Variants in RBFOX1 observed in about 807,000 individuals in gnomAD.
RBFOX1 encodes the protein RNA binding fox-1 homolog 1.
Under a neutral mutation model 57.7 loss-of-function variants are expected in RBFOX1, and 8 were observed. That is an observed-to-expected ratio of 0.14 (90% CI 0.08 to 0.25). RBFOX1 has a LOEUF of 0.25. Among genes scored for constraint, RBFOX1 ranks in the 10% least tolerant of loss-of-function variants. The pLI is 1.00. For synonymous variants in RBFOX1, 326 were observed against 222.4 expected (o/e 1.47, Z -4.15); for missense variants, 611 against 548.5 (o/e 1.11, Z -1.14).
In RBFOX1 at chr16:6,867,010, G is replaced by A. The variant is rs1256583388; in HGVS notation, c.-15-185047G>A. Among the ~76,000 whole-genome samples, 4 of 57,410 alleles carry A rather than the reference G, an allele frequency of 7.0e-5. No homozygotes were observed. The Admixed American group carries it at 7.4e-4, about 11-fold the overall frequency. The allele number at this position is 57,410 out of a possible 152,430, so 37.7% of individuals were successfully genotyped here. A position where few individuals can be genotyped will look rare whatever the true frequency, so the allele number is the denominator to read the frequency against. The stretch of plus-strand genomic sequence containing the variant: ...CCTCTAGTCAGAGTCTGTGTTAGCT[G>A]TTCTTTAAAAAAAAAAAAAAAAACT... On this transcript the variant is annotated intron_variant, in intron 3 of 15. Coordinates refer to ENST00000550418, the MANE Select transcript of RBFOX1 (RefSeq NM_018723.4).
chr16:6,512,980 T>C (rs565285461), intron 2 of RBFOX1, among the ~76,000 whole-genome samples: 6 of 152,330 alleles, frequency 3.9e-5, no homozygotes, highest in African/African-American at 1.4e-4. Flanking sequence ...AGAAGCAGAA[T>C]AATTTTGTTA....
At chr16:7,416,898 T>A (rs2098483420) in intron 4 of RBFOX1, among the ~76,000 whole-genome samples, 1 of 152,048 alleles carries the variant, frequency 6.6e-6, no homozygotes, top group Non-Finnish European at 1.5e-5. Flanking sequence ...GAAGGAGGTG[T>A]CCTTATTATC....
intron 3 of RBFOX1, among the ~76,000 whole-genome samples, chr16:6,934,459 G>C (rs886573782): frequency 4.6e-5 from 7 of 152,138 alleles, no homozygotes; most frequent in African/African-American, 1.7e-4. Flanking sequence ...AAATAGCCAA[G>C]ACATGGAATC....
At chr16:7,371,544 G>A (rs1160239503) in intron 4 of RBFOX1, among the ~76,000 whole-genome samples, 1 of 152,182 alleles carries the variant, frequency 6.6e-6, no homozygotes, top group Non-Finnish European at 1.5e-5. Flanking sequence ...GAGGTCAGGA[G>A]ATCGAGACCA....
At chr16:7,134,255 T>A (rs566201230) in intron 4 of RBFOX1, among the ~76,000 whole-genome samples, 29 of 152,226 alleles carry the variant, frequency 1.9e-4, no homozygotes, top group African/African-American at 6.3e-4. Context: ...TGCTAATAAT[T>A]TGTTGTGAGG....
At chr16:6,654,492 G>A in intron 2 of RBFOX1, 111 bp from the exon 3 acceptor site, 1 of 814,038 alleles carries the variant, frequency 1.2e-6, no homozygotes, top group Non-Finnish European at 1.9e-6. Flanking sequence ...TTAGGAGCAT[G>A]AGCTCTTTAT....
At chr16:6,686,490 C>T (rs938310392) in intron 3 of RBFOX1, among the ~76,000 whole-genome samples, 2 of 152,236 alleles carry the variant, frequency 1.3e-5, no homozygotes, top group Admixed American at 6.5e-5. Context: ...GTGGTTGTGT[C>T]GTTTAAGTTC....
At chr16:5,289,398 G>T in intron 1 of RBFOX1, 2 of 360,890 alleles carry the variant, frequency 5.5e-6, no homozygotes, top group Non-Finnish European at 5.3e-6. Flanking sequence ...CATATGGGGT[G>T]CTGCCATCAT....
chr16:6,034,256 A>G (rs1248701604), intron 1 of RBFOX1, among the ~76,000 whole-genome samples: 2 of 129,330 alleles, frequency 1.5e-5, no homozygotes, highest in Non-Finnish European at 3.1e-5. Context: ...AATTGCTTGA[A>G]TGGAGTCGGA....
At chr16:6,604,200 G>A (rs1021969155) in intron 2 of RBFOX1, among the ~76,000 whole-genome samples, 6 of 150,942 alleles carry the variant, frequency 4.0e-5, no homozygotes, top group African/African-American at 1.5e-4. Flanking sequence ...AATTCCTACT[G>A]GGGAAAAAAA....
chr16:7,120,842 C>G (rs868609499), intron 4 of RBFOX1, among the ~76,000 whole-genome samples: 3 of 149,638 alleles, frequency 2.0e-5, no homozygotes, highest in South Asian at 2.1e-4. Flanking sequence ...CACACACACA[C>G]ACACACACAC....
At chr16:5,366,494 A>G in intron 1 of RBFOX1, 1 of 432,940 alleles carries the variant, frequency 2.3e-6, no homozygotes, top group South Asian at 1.8e-5. Flanking sequence ...TCCTTCAAGA[A>G]ACAGGAAAAA....
intron 4 of RBFOX1, among the ~76,000 whole-genome samples, chr16:5,922,645 C>T (rs888321606): frequency 6.6e-6 from 1 of 152,190 alleles, no homozygotes; most frequent in Admixed American, 6.5e-5. Flanking sequence ...ATTTAACATC[C>T]CCACCATCAG....
chr16:5,246,358 C>G lies in RBFOX1; in HGVS notation c.219+6253C>G, dbSNP rs571594564. 1.3e-3 allele frequency among the ~76,000 whole-genome samples: 195 copies of G among 152,160 alleles called. 1 individual carries two copies. The highest frequency in any genetic ancestry group is 2.1e-4 in the Non-Finnish European group (14 of 68,002). On this transcript the variant is annotated intron_variant, in intron 1 of 2. Transcript: ENST00000585867. ...TTATTGAATTGACAAAAAGTATGTA[C>G]AAGAGGGTATACAACATGATGTGAT... is the stretch of plus-strand genomic sequence containing the variant.
At chr16:6,211,182 C>CTTA (rs200961889) in intron 1 of RBFOX1, among the ~76,000 whole-genome samples, 2,231 of 52,832 alleles carry the variant, frequency 0.042, 68 homozygotes, top group Middle Eastern at 0.13. Flanking sequence ...AGAGTGTTTT[C>CTTA]TTCTTCTTTT....
chr16:5,593,648 G>A (rs1431561579), intron 2 of RBFOX1, among the ~76,000 whole-genome samples: 1 of 152,108 alleles, frequency 6.6e-6, no homozygotes, highest in Non-Finnish European at 1.5e-5. Context: ...GCGATGTCAG[G>A]AAGTTACCGT....
At chr16:6,177,922 T>TAAAAAAA (rs57642754) in intron 1 of RBFOX1, among the ~76,000 whole-genome samples, 1 of 140,008 alleles carries the variant, frequency 7.1e-6, no homozygotes, top group Non-Finnish European at 1.5e-5. Context: ...TCAGTGGGGG[T>TAAAAAAA]AAAAAAAAAA....
At chr16:7,006,969 G>A (rs1191924225) in intron 3 of RBFOX1, among the ~76,000 whole-genome samples, 2 of 152,138 alleles carry the variant, frequency 1.3e-5, no homozygotes, top group Non-Finnish European at 1.5e-5. Flanking sequence ...ACCACTGCCA[G>A]AAGTACCACA....
At chr16:7,504,801 A>T (rs201758714) in intron 4 of RBFOX1, among the ~76,000 whole-genome samples, 4 of 22,946 alleles carry the variant, frequency 1.7e-4, no homozygotes, top group African/African-American at 1.8e-4. Flanking sequence ...ATATATATAT[A>T]TTTATATATA....
Sources: gnomAD v4.1 joint callset for allele counts (sites outside exome capture counted in the v4.1 genomes callset) on GRCh38, gnomAD v4.1.1 for gene constraint, MANE v1.5 for transcripts, NCBI Gene and HGNC (gene_info 2026-07-23, HGNC 2026-07-21) for gene names.